The following ARID1B variants were observed in gnomAD, a reference collection of about 807,000 sequenced individuals.
The protein encoded by ARID1B is AT-rich interaction domain 1B.
A neutral mutation model predicts 212.3 loss-of-function variants in ARID1B; 30 were observed. That is an observed-to-expected ratio of 0.14 (90% CI 0.11 to 0.19). The LOEUF (loss-of-function observed/expected upper bound fraction) is 0.19, where lower values mean the gene tolerates loss of function less well. ARID1B is among the 10% of genes least tolerant of loss of function. The pLI, the probability that ARID1B is intolerant of heterozygous loss-of-function variation, is 1.00. For synonymous variants in ARID1B, 1,402 were observed against 1,301.7 expected, an observed-to-expected ratio of 1.08 and a Z score of -1.66; for missense variants, 2,891 against 3,204.0, an observed-to-expected ratio of 0.90 and a Z score of 2.36.
At chr6:157,025,380 A>G (rs901514923) in intron 4 of ARID1B, among the ~76,000 whole-genome samples, 4 of 152,230 alleles carry the variant, frequency 2.6e-5, no homozygotes, top group South Asian at 2.1e-4. Context: ...ATGCATAACA[A>G]TGATGTGTAA....
intron 1 of ARID1B, among the ~76,000 whole-genome samples, chr6:156,824,797 G>C (rs1255414195): frequency 6.6e-6 from 1 of 151,872 alleles, no homozygotes; most frequent in Non-Finnish European, 1.5e-5. Flanking sequence ...ACATAAAATT[G>C]CTTCAGGTTA....
At chr6:156,862,428 C>A (rs1785397301) in intron 2 of ARID1B, among the ~76,000 whole-genome samples, 1 of 152,074 alleles carries the variant, frequency 6.6e-6, no homozygotes, top group Non-Finnish European at 1.5e-5. Context: ...CACCCCAACA[C>A]TTAAGGGGGG....
At chr6:156,832,655 G>A (rs1783223230) in intron 2 of ARID1B, among the ~76,000 whole-genome samples, 1 of 152,164 alleles carries the variant, frequency 6.6e-6, no homozygotes, top group Non-Finnish European at 1.5e-5. Flanking sequence ...CCTGGCTGGC[G>A]TTCTGCTCCT....
chr6:157,054,097 G>A (rs1322124747), intron 4 of ARID1B, among the ~76,000 whole-genome samples: 15 of 152,042 alleles, frequency 9.9e-5, no homozygotes, highest in Admixed American at 9.8e-4. Context: ...GGTGGTGCGT[G>A]CCTGTAATCC....
chr6:156,936,778 G>A (rs1011357125), intron 4 of ARID1B: 10 of 152,006 alleles, frequency 6.6e-5, no homozygotes, highest in African/African-American at 2.4e-4. Context: ...TGGGAATTCA[G>A]TATAGCCATG....
intron 4 of ARID1B, among the ~76,000 whole-genome samples, chr6:156,993,967 T>G (rs1778426929): frequency 1.3e-5 from 2 of 152,346 alleles, no homozygotes; most frequent in South Asian, 4.2e-4. Context: ...AAATACTTAT[T>G]GAATGTGTCA....
At chr6:156,837,912 G>A (rs1445079865) in intron 2 of ARID1B, among the ~76,000 whole-genome samples, 1 of 152,200 alleles carries the variant, frequency 6.6e-6, no homozygotes, top group Non-Finnish European at 1.5e-5. Flanking sequence ...TTTGAGATCT[G>A]AATGTGGGTA....
intron 12 of ARID1B, among the ~76,000 whole-genome samples, chr6:157,182,086 A>G (rs1166503043): frequency 1.3e-5 from 2 of 152,014 alleles, no homozygotes. Context: ...TGTCTCCATT[A>G]AAAACTACAA....
chr6:156,826,630 G>A (rs778198344), intron 1 of ARID1B, among the ~76,000 whole-genome samples: 1 of 146,678 alleles, frequency 6.8e-6, no homozygotes, highest in East Asian at 1.9e-4. Flanking sequence ...GGCAGTTCTC[G>A]GGGTCTGTGC....
intron 1 of ARID1B, among the ~76,000 whole-genome samples, chr6:156,780,744 C>T (rs1779199768): frequency 6.6e-6 from 1 of 152,164 alleles, no homozygotes; most frequent in Non-Finnish European, 1.5e-5. Context: ...TACAGAAAAA[C>T]AGTTCGCTGG....
At chr6:157,015,813 A>G (rs201521324) in intron 4 of ARID1B, among the ~76,000 whole-genome samples, 1 of 152,176 alleles carries the variant, frequency 6.6e-6, no homozygotes, top group East Asian at 1.9e-4. Flanking sequence ...TCCTGTCCTC[A>G]TTGTGCCAAT....
chr6:157,046,042 C>T (rs1782217918), intron 4 of ARID1B, among the ~76,000 whole-genome samples: 1 of 152,130 alleles, frequency 6.6e-6, no homozygotes, highest in Non-Finnish European at 1.5e-5. Flanking sequence ...CCTCTGCCAT[C>T]TGCTGGTAGT....
chr6:157,133,511 A>G (rs1788696234), intron 7 of ARID1B, among the ~76,000 whole-genome samples: 1 of 152,214 alleles, frequency 6.6e-6, no homozygotes, highest in African/African-American at 2.4e-5. Flanking sequence ...ACGTAGAGAA[A>G]AAGACACAAG....
intron 1 of ARID1B, among the ~76,000 whole-genome samples, chr6:156,808,948 CTAAT>C (rs879584835): frequency 2.6e-5 from 4 of 152,146 alleles, no homozygotes; most frequent in Middle Eastern, 3.2e-3. Context: ...CTGTGTGACT[CTAAT>C]TAAAGTTAAT....
At chr6:157,091,211 C>G (rs1411507666) in intron 5 of ARID1B, among the ~76,000 whole-genome samples, 1 of 152,170 alleles carries the variant, frequency 6.6e-6, no homozygotes, top group Non-Finnish European at 1.5e-5. Flanking sequence ...AGAGATGCAT[C>G]CAGCATACCA....
intron 6 of ARID1B, among the ~76,000 whole-genome samples, chr6:157,119,303 G>A (rs1444892866): frequency 1.3e-5 from 2 of 152,034 alleles, no homozygotes; most frequent in Non-Finnish European, 2.9e-5. Flanking sequence ...TCCTCAGACC[G>A]GTGAGAGCAT....
intron 2 of ARID1B, among the ~76,000 whole-genome samples, chr6:156,852,604 T>C (rs1784653611): frequency 1.3e-5 from 2 of 152,192 alleles, no homozygotes; most frequent in Non-Finnish European, 1.5e-5. Flanking sequence ...CAGATGTTTT[T>C]CCAAAACTAA....
intron 2 of ARID1B, among the ~76,000 whole-genome samples, chr6:156,867,873 G>C (rs1158787311): frequency 6.6e-6 from 1 of 152,206 alleles, no homozygotes; most frequent in African/African-American, 2.4e-5. Flanking sequence ...AAGGCAGGTG[G>C]AGAAAGCAAA....
intron 1 of ARID1B, chr6:156,780,329 G>C (rs1779162009): frequency 6.6e-6 from 1 of 152,162 alleles, no homozygotes; most frequent in Admixed American, 6.5e-5. Flanking sequence ...AGTGAAAATT[G>C]ATCTTTTGGG....
Sources: gnomAD v4.1 joint callset for allele counts (sites outside exome capture counted in the v4.1 genomes callset) on GRCh38, gnomAD v4.1.1 for gene constraint, MANE v1.5 for transcripts, NCBI Gene and HGNC (gene_info 2026-07-23, HGNC 2026-07-21) for gene names.